Variants in GPR174 observed in about 807,000 individuals in gnomAD.
GPR174 encodes the protein G protein-coupled receptor 174.
In GPR174, 8 loss-of-function variants were observed where a neutral mutation model predicts 16.5. The ratio of observed to expected loss-of-function variants is 0.48; its 90% CI spans 0.28 to 0.87. The LOEUF (loss-of-function observed/expected upper bound fraction) is 0.87, where lower values mean the gene tolerates loss of function less well. Among genes scored for constraint, GPR174 ranks in the 40% least tolerant of loss-of-function variants. The pLI, the probability that GPR174 is intolerant of heterozygous loss-of-function variation, is 0.09. For synonymous variants in GPR174, 111 were observed against 94.8 expected, an observed-to-expected ratio of 1.17 and a Z score of -0.99; for missense variants, 214 against 247.5, an observed-to-expected ratio of 0.86 and a Z score of 0.91.
rs182270641 is a variant in GPR174 at position 79,144,791 on chromosome X, C to A, written c.-1080C>A. The A allele has an allele frequency of 9.1e-6, 1 of 110,048 alleles. No individual in the cohort carries two copies. The highest frequency in any genetic ancestry group is 1.9e-5 in the Non-Finnish European group (1 of 52,534). The allele number at this position is 110,048 out of a possible 1,213,427, so 9.1% of individuals were successfully genotyped here. On this transcript the variant is annotated 5_prime_UTR_variant, in exon 1 of 3. Coordinates refer to ENST00000645147, the MANE Select transcript of GPR174 (RefSeq NM_032553.3). ...TTCCTGATAATTTTAATTTTTTTTCCTTTTGCTTTCATAATTTTTCTTTTG... is the reference window on the plus strand; with the variant it reads ...TTCCTGATAATTTTAATTTTTTTTCATTTTGCTTTCATAATTTTTCTTTTG...
At chrX:79,166,160 C>T (rs895109879) in intron 2 of GPR174, among the ~76,000 whole-genome samples, 2 of 111,937 alleles carry the variant, frequency 1.8e-5, no homozygotes, top group Non-Finnish European at 3.8e-5. Context: ...GGAGTACACA[C>T]ACCTAGAGTG....
intron 2 of GPR174, among the ~76,000 whole-genome samples, chrX:79,164,852 G>A (rs1157805011): frequency 9.0e-6 from 1 of 111,099 alleles, no homozygotes; most frequent in Non-Finnish European, 1.9e-5. Context: ...TGGAATAATA[G>A]TGATCAATGT....
intron 1 of GPR174, among the ~76,000 whole-genome samples, chrX:79,151,471 C>T (rs192825115): frequency 0.011 from 1,275 of 111,265 alleles, 16 homozygotes; most frequent in Admixed American, 0.045. Flanking sequence ...ATGCAATAAA[C>T]ATGTCTATCT....
intron 2 of GPR174, among the ~76,000 whole-genome samples, chrX:79,168,909 T>C (rs955336583): frequency 9.0e-6 from 1 of 111,447 alleles, no homozygotes; most frequent in African/African-American, 3.3e-5. Context: ...AAGCCATTTC[T>C]AATATTCCTT....
chrX:79,166,727 G>A (rs376570907), intron 2 of GPR174, among the ~76,000 whole-genome samples: 47 of 110,469 alleles, frequency 4.3e-4, no homozygotes, highest in East Asian at 2.8e-3. Flanking sequence ...GAGCCACTGC[G>A]CCCGGCCTAA....
At position 79,151,770 on chromosome X, in the gene GPR174, T is replaced by C. The variant is rs573833826; in HGVS notation, c.-653-5052T>C. Among the ~76,000 whole-genome samples the C allele has an allele frequency of 3.6e-5, 4 of 112,049 alleles. No homozygotes were observed. In the South Asian group the frequency reaches 1.5e-3, roughly 41 times the overall value. Reference sequence around the variant, plus strand: ...GTTTTATTTATCTTCAACCATTCTTTATGATGTGTTTACTGTTTCTACAAG... The same window carrying C: ...GTTTTATTTATCTTCAACCATTCTTCATGATGTGTTTACTGTTTCTACAAG... On this transcript the variant is annotated intron_variant, in intron 1 of 2. Coordinates refer to ENST00000645147, the MANE Select transcript of GPR174 (RefSeq NM_032553.3).
chrX:79,168,940 C>G (rs1921442179), intron 2 of GPR174, among the ~76,000 whole-genome samples: 1 of 110,928 alleles, frequency 9.0e-6, no homozygotes, highest in South Asian at 3.8e-4. Flanking sequence ...TTCACCTGGA[C>G]AAGCAACCAG....
intron 1 of GPR174, among the ~76,000 whole-genome samples, chrX:79,146,792 C>A (rs968082332): frequency 4.5e-5 from 5 of 111,766 alleles, no homozygotes; most frequent in African/African-American, 1.3e-4. Flanking sequence ...GAATGCACTT[C>A]ATTATGCCCC....
chrX:79,160,481 C>T (rs985374129), intron 2 of GPR174, among the ~76,000 whole-genome samples: 3 of 111,543 alleles, frequency 2.7e-5, no homozygotes, highest in African/African-American at 9.8e-5. Flanking sequence ...ATCCCATGTC[C>T]TAAAAGTTTC....
rs771046498 is a variant in GPR174 at position 79,154,007 on chromosome X, C to T, written c.-653-2815C>T. On this transcript the variant is annotated intron_variant, in intron 1 of 2. Transcript: ENST00000645147. The stretch of plus-strand genomic sequence containing the variant: ...CTAATTTTTATTTAAAATGCTGAAT[C>T]AGTTCTTCCAGAAAATGAGAAAATA... 3.5e-4 allele frequency among the ~76,000 whole-genome samples: 39 copies of T among 111,753 alleles called. 1 individual carries two copies. The highest frequency in any genetic ancestry group is 4.6e-3 in the Middle Eastern group (1 of 218).
chrX:79,170,267 T>G (rs1921475822), intron 2 of GPR174, among the ~76,000 whole-genome samples, 185 bp from the exon 3 acceptor site: 1 of 111,764 alleles, frequency 8.9e-6, no homozygotes, highest in African/African-American at 3.3e-5. Flanking sequence ...GCTAGATTAC[T>G]TCTCATGTTC....
At chrX:79,145,680 T>C (rs778934224) in intron 1 of GPR174, among the ~76,000 whole-genome samples, 1 of 111,970 alleles carries the variant, frequency 8.9e-6, no homozygotes, top group African/African-American at 3.2e-5. Context: ...TGAATGGTTA[T>C]TTGAAAAATG....
intron 1 of GPR174, among the ~76,000 whole-genome samples, chrX:79,152,782 A>C (rs1216773070): frequency 8.9e-6 from 1 of 112,008 alleles, no homozygotes; most frequent in East Asian, 2.8e-4. Flanking sequence ...TCTATCTGTG[A>C]AAATGGTATA....
intron 1 of GPR174, among the ~76,000 whole-genome samples, chrX:79,145,966 T>C (rs771145721): frequency 8.9e-6 from 1 of 112,154 alleles, no homozygotes; most frequent in African/African-American, 3.2e-5. Context: ...AAAATGATTT[T>C]GAATTTAATT....
At chrX:79,163,377 G>A (rs1278267342) in intron 2 of GPR174, among the ~76,000 whole-genome samples, 1 of 111,924 alleles carries the variant, frequency 8.9e-6, no homozygotes, top group Non-Finnish European at 1.9e-5. Context: ...ACTTTTGCCA[G>A]CAGGATATTT....
At position 79,175,225 on chromosome X, in the gene GPR174, A is replaced by G. The variant is rs748013710; in HGVS notation, c.*3216A>G. On this transcript the variant is annotated 3_prime_UTR_variant, in exon 3 of 3. Coordinates refer to ENST00000645147, the MANE Select transcript of GPR174 (RefSeq NM_032553.3). Reference sequence around the variant, plus strand: ...GTCACCTTTTGATTTTACTCCCAAGATACTGTGAAAATGTTGCACTTGGAA... The same window carrying G: ...GTCACCTTTTGATTTTACTCCCAAGGTACTGTGAAAATGTTGCACTTGGAA... 2 of 111,431 alleles carry G rather than the reference A, an allele frequency of 1.8e-5. No homozygotes were observed. The highest frequency in any genetic ancestry group is 1.9e-4 in the Admixed American group (2 of 10,460). The allele number at this position is 111,431 out of a possible 1,213,427, so 9.2% of individuals were successfully genotyped here. A position where few individuals can be genotyped will look rare whatever the true frequency, so the allele number is the denominator to read the frequency against.
chrX:79,170,876 A>G lies in GPR174; in HGVS notation c.-132A>G, dbSNP rs1374777641. The G allele has an allele frequency of 3.0e-5, 16 of 527,608 alleles. No homozygotes were observed. The highest frequency in any genetic ancestry group is 4.6e-5 in the Non-Finnish European group (15 of 324,000). The allele number at this position is 527,608 out of a possible 1,213,427, so 43.5% of individuals were successfully genotyped here. On this transcript the variant is annotated 5_prime_UTR_variant, in exon 3 of 3. The change abolishes the stop of an existing upstream ORF in the 5' untranslated region. Coordinates refer to ENST00000645147, the MANE Select transcript of GPR174 (RefSeq NM_032553.3). ...ACGTAGAGACTCAGACAGATGTGGT[A>G]AAAAGAGGAAGGTTATTTTATACTT...
rs869067550 is a variant in GPR174, at chrX:79,145,004, CTCTTTCTTTCTTTCTTTCTTTCTTTCTT to C, written c.-833_-806del. ...TTTCTTTCTTTCTTTCTCTCTCTCT[CTCTTTCTTTCTTTCTTTCTTTCTTTCTT>C]TCTTTCTTTCTTTCTTTCTTTCTTT... On this transcript the variant is annotated 5_prime_UTR_variant, in exon 1 of 3. Coordinates refer to ENST00000645147, the MANE Select transcript of GPR174 (RefSeq NM_032553.3). 0.014 allele frequency: 706 copies of C among 49,490 alleles called. 12 individuals carry two copies. The highest frequency in any genetic ancestry group is 0.027 in the African/African-American group (427 of 15,626). 4.1% of individuals were successfully genotyped at this position (49,490 alleles called of 1,213,427 possible).
At chrX:79,155,170 T>G (rs757191016) in intron 1 of GPR174, among the ~76,000 whole-genome samples, 8 of 112,143 alleles carry the variant, frequency 7.1e-5, no homozygotes, top group Non-Finnish European at 1.3e-4. Context: ...TCTAGTTTGA[T>G]CTCACATATC....
Sources: gnomAD v4.1 joint callset for allele counts (sites outside exome capture counted in the v4.1 genomes callset) on GRCh38, gnomAD v4.1.1 for gene constraint, MANE v1.5 for transcripts, NCBI Gene and HGNC (gene_info 2026-07-23, HGNC 2026-07-21) for gene names.